The following AHRR variants were observed in gnomAD, a reference collection of about 807,000 sequenced individuals.
AHRR encodes the protein aryl hydrocarbon receptor repressor.
A neutral mutation model predicts 44.0 loss-of-function variants in AHRR; 28 were observed. The ratio of observed to expected loss-of-function variants is 0.64; its 90% CI spans 0.47 to 0.87. The LOEUF is 0.87. Among genes scored for constraint, AHRR ranks in the 40% least tolerant of loss-of-function variants. AHRR has a pLI of 0.00. For missense variants in AHRR, 990 were observed against 953.9 expected, an observed-to-expected ratio of 1.04 and a Z score of -0.50; for synonymous variants, 434 against 407.0, an observed-to-expected ratio of 1.07 and a Z score of -0.80.
Position 434,234 on chromosome 5 carries a change from G to C in AHRR, c.1494G>C (p.Gln498His), listed in dbSNP as rs1736882257. 4 of 1,592,054 alleles carry C rather than the reference G, an allele frequency of 2.5e-6. No homozygotes were observed. Among genetic ancestry groups the C allele is most frequent in the Non-Finnish European group, 3.4e-6 (4 of 1,169,012 alleles). Residue 498 changes from glutamine to histidine, a missense_variant, in exon 11 of 11, where the codon CAG (glutamine) becomes CAC (histidine). By Grantham distance (24) the Gln-to-His change is conservative (BLOSUM62 0). Coordinates refer to ENST00000684583, the MANE Select transcript of AHRR (RefSeq NM_001377236.1). Reference protein sequence around the residue: ...LQHQLPQPGAQRFATRGYPME... With the variant: ...LQHQLPQPGAHRFATRGYPME... Reference sequence around the variant, plus strand: ...ACCAGCTCCCTCAGCCTGGAGCTCAGCGTTTTGCCACGAGGGGCTATCCCA... The same window carrying C: ...ACCAGCTCCCTCAGCCTGGAGCTCACCGTTTTGCCACGAGGGGCTATCCCA...
At chr5:413,068 G>T (rs1267925829) in intron 4 of AHRR, among the ~76,000 whole-genome samples, 2 of 152,112 alleles carry the variant, frequency 1.3e-5, no homozygotes, top group African/African-American at 4.8e-5. Context: ...CCTCGTCTTA[G>T]GTACCAAGTC....
chr5:386,900 A>C (rs1734187786), intron 4 of AHRR, among the ~76,000 whole-genome samples: 1 of 151,244 alleles, frequency 6.6e-6, no homozygotes, highest in African/African-American at 2.4e-5. Context: ...GACACTTTTC[A>C]CCTGTGCCCT....
chr5:433,029 T>C lies in AHRR; in HGVS notation c.1112+82T>C, dbSNP rs553987658. ...GGCCAAAGAGCGGGTGGGGGAGTGA[T>C]TAAGAAGAAAAATAAAAAAGACGAC... On this transcript the variant is annotated intron_variant, in intron 10 of 10. Transcript: ENST00000684583. The C allele has an allele frequency of 1.3e-5, 19 of 1,433,514 alleles. No individual in the cohort carries two copies. In the South Asian group the frequency reaches 1.9e-4, roughly 14 times the overall value. 88.8% of individuals were successfully genotyped at this position (1,433,514 alleles called of 1,614,324 possible).
In AHRR at chr5:344,085, C is replaced by G. The variant is rs570432396; in HGVS notation, c.62+121C>G. On this transcript the variant is annotated intron_variant, in intron 2 of 10. Transcript: ENST00000684583. Reference sequence around the variant, plus strand: ...AGCGAGGAAGGCTTCGGGAGCCGGGCGGGCCGGGGCTGAGCTCCGGCGCGG... The same window carrying G: ...AGCGAGGAAGGCTTCGGGAGCCGGGGGGGCCGGGGCTGAGCTCCGGCGCGG... 3,523 of 1,100,364 alleles carry G rather than the reference C, an allele frequency of 3.2e-3. 13 individuals carry two copies. The highest frequency in any genetic ancestry group is 5.6e-3 in the South Asian group (390 of 69,302). 68.2% of individuals were successfully genotyped at this position (1,100,364 alleles called of 1,614,324 possible). A position where few individuals can be genotyped will look rare whatever the true frequency, so the allele number is the denominator to read the frequency against.
chr5:342,984 G>A lies in AHRR; in HGVS notation c.-10-909G>A, dbSNP rs1742395535. On this transcript the variant is annotated intron_variant, in intron 1 of 10. Transcript: ENST00000684583. This position sits in a 1 kb window ranked among gnomAD's most constrained non-coding sequence, Gnocchi z 4.3. Reference sequence around the variant, plus strand: ...ACTTAAGTGGAATCCCAGGACTGTAGAGTGGAGTAGAATTTTACATAGAAA... The same window carrying A: ...ACTTAAGTGGAATCCCAGGACTGTAAAGTGGAGTAGAATTTTACATAGAAA... Among the ~76,000 whole-genome samples the A allele has an allele frequency of 1.3e-5, 2 of 152,226 alleles. No homozygotes were observed. Among genetic ancestry groups the A allele is most frequent in the African/African-American group, 4.8e-5 (2 of 41,454 alleles).
At chr5:335,152 C>A (rs1171021685) in intron 1 of AHRR, among the ~76,000 whole-genome samples, 1 of 152,124 alleles carries the variant, frequency 6.6e-6, no homozygotes, top group Non-Finnish European at 1.5e-5. Context: ...TTGGCAGTAC[C>A]AGGCAGGCTG....
chr5:380,280 ATTC>A (rs1283418907), intron 4 of AHRR, among the ~76,000 whole-genome samples: 1 of 152,146 alleles, frequency 6.6e-6, no homozygotes, highest in Non-Finnish European at 1.5e-5. Flanking sequence ...TTTCAATTTT[ATTC>A]TTCCTCAGAA....
Position 437,723 on chromosome 5 carries a change from C to T in AHRR, c.*2889C>T, listed in dbSNP as rs774125622. 10 of 152,392 alleles carry T rather than the reference C, an allele frequency of 6.6e-5. No homozygotes were observed. The highest frequency in any genetic ancestry group is 5.9e-4 in the Admixed American group (9 of 15,290). The allele number at this position is 152,392 out of a possible 1,614,324, so 9.4% of individuals were successfully genotyped here. On this transcript the variant is annotated 3_prime_UTR_variant, in exon 11 of 11. Transcript: ENST00000684583. ...GGCCACGCTGTGTTGACGCTGCACT[C>T]AGCACGTGGGTGTTGGCTCTGCCGG...
intron 1 of AHRR, among the ~76,000 whole-genome samples, chr5:335,617 A>G (rs907518872): frequency 3.3e-5 from 5 of 152,200 alleles, no homozygotes; most frequent in Non-Finnish European, 7.4e-5. Context: ...TTCAGGGCCC[A>G]TGGCAGAATG....
At chr5:400,472 T>A (rs1734967725) in intron 4 of AHRR, among the ~76,000 whole-genome samples, 1 of 151,964 alleles carries the variant, frequency 6.6e-6, no homozygotes, top group African/African-American at 2.4e-5. Context: ...GTGATCTTTT[T>A]CCCCTTAAAA....
At chr5:325,162 C>A (rs1274545423) in intron 1 of AHRR, among the ~76,000 whole-genome samples, 1 of 152,234 alleles carries the variant, frequency 6.6e-6, no homozygotes, top group Admixed American at 6.5e-5. Context: ...ACATCCCCTG[C>A]CCCGCTTCAT....
Position 387,727 on chromosome 5 carries a change from G to A in AHRR, c.351+11011G>A, listed in dbSNP as rs917299718. Among the ~76,000 whole-genome samples the A allele has an allele frequency of 1.3e-5, 2 of 152,226 alleles. No individual in the cohort carries two copies. Among genetic ancestry groups the A allele is most frequent in the Non-Finnish European group, 2.9e-5 (2 of 68,038 alleles). On this transcript the variant is annotated intron_variant, in intron 4 of 10. Coordinates refer to ENST00000684583, the MANE Select transcript of AHRR (RefSeq NM_001377236.1). The surrounding 1 kb of genome is among the most constrained non-coding windows in gnomAD (Gnocchi z 5.1). ...ACGCTCGTGTTTTCTGAGTGTGATCGTGTGTCCATACGCTGTACCTGCCGG... is the reference window on the plus strand; with the variant it reads ...ACGCTCGTGTTTTCTGAGTGTGATCATGTGTCCATACGCTGTACCTGCCGG...
At chr5:399,927 A>C (rs2126491186) in intron 4 of AHRR, among the ~76,000 whole-genome samples, 2 of 152,308 alleles carry the variant, frequency 1.3e-5, no homozygotes, top group East Asian at 1.9e-4. Flanking sequence ...GGATCTATAA[A>C]CAGCCAGTTA....
intron 2 of AHRR, among the ~76,000 whole-genome samples, chr5:345,441 GGT>G (rs141357680): frequency 0.019 from 1,567 of 81,480 alleles, 38 homozygotes; most frequent in Non-Finnish European, 0.023. Context: ...TGCGTGTGTG[GGT>G]GTGTGTGTGT....
At chr5:399,358 C>G (rs1007298993) in intron 4 of AHRR, among the ~76,000 whole-genome samples, 8 of 152,242 alleles carry the variant, frequency 5.3e-5, no homozygotes, top group African/African-American at 1.9e-4. Flanking sequence ...TGTAAGTCTG[C>G]TTCTTGTGAA....
At chr5:390,883 A>C (rs1037032704) in intron 4 of AHRR, among the ~76,000 whole-genome samples, 3 of 152,146 alleles carry the variant, frequency 2.0e-5, no homozygotes, top group Admixed American at 1.3e-4. Flanking sequence ...GTTCACGCAC[A>C]CCCGGGGGCA....
At position 405,931 on chromosome 5, in the gene AHRR, C is replaced by T. The variant is rs956183621; in HGVS notation, c.352-7413C>T. On this transcript the variant is annotated intron_variant, in intron 4 of 10. Transcript: ENST00000684583. The surrounding 1 kb of genome is among the most constrained non-coding windows in gnomAD (Gnocchi z 4.5). Reference sequence around the variant, plus strand: ...TCCTGAATTAGGCGTGGTGTGGCAGCGTCCAGGGAAGAACACGCAGCCTCT... The same window carrying T: ...TCCTGAATTAGGCGTGGTGTGGCAGTGTCCAGGGAAGAACACGCAGCCTCT... 1.3e-5 allele frequency among the ~76,000 whole-genome samples: 2 copies of T among 152,208 alleles called. No homozygotes were observed. The highest frequency in any genetic ancestry group is 2.9e-5 in the Non-Finnish European group (2 of 68,046).
rs376274907 is a variant in AHRR, at chr5:413,564, A to G, written c.441+131A>G. On this transcript the variant is annotated intron_variant, in intron 5 of 10. Coordinates refer to ENST00000684583, the MANE Select transcript of AHRR (RefSeq NM_001377236.1). Reference sequence around the variant, plus strand: ...TCCTATCACTGAGCTCTTATCAGATAAAGATCTCCACACCCCAGCTTTGTC... The same window carrying G: ...TCCTATCACTGAGCTCTTATCAGATGAAGATCTCCACACCCCAGCTTTGTC... 4.6e-4 allele frequency: 316 copies of G among 690,706 alleles called. No homozygotes were observed. The African/African-American group carries it at 5.4e-3, about 12-fold the overall frequency. 42.8% of individuals were successfully genotyped at this position (690,706 alleles called of 1,614,324 possible). A position where few individuals can be genotyped will look rare whatever the true frequency, so the allele number is the denominator to read the frequency against.
At chr5:403,864 G>C in intron 4 of AHRR, 1 of 1,588,002 alleles carries the variant, frequency 6.3e-7, no homozygotes. Context: ...CCACATTAAA[G>C]CTTTTCCTCC....
Sources: gnomAD v4.1 joint callset for allele counts (sites outside exome capture counted in the v4.1 genomes callset) on GRCh38, gnomAD v4.1.1 for gene constraint, Gnocchi (gnomAD v3.1) non-coding constraint, MANE v1.5 for transcripts, NCBI Gene and HGNC (gene_info 2026-07-23, HGNC 2026-07-21) for gene names.